The following OR1J2 variants were observed in gnomAD, a reference collection of about 807,000 sequenced individuals.
The protein encoded by OR1J2 is olfactory receptor 1J2.
For missense variants in OR1J2, 304 were observed against 246.1 expected, an observed-to-expected ratio of 1.24 and a Z score of -1.57; for synonymous variants, 142 against 99.7, an observed-to-expected ratio of 1.42 and a Z score of -2.52.
chr9:122,580,193 A>G, the OR1J2 span, among the ~76,000 whole-genome samples: 6 of 152,222 alleles, frequency 3.9e-5, no homozygotes, highest in Non-Finnish European at 5.9e-5. Context: ...TTCCAAGAAT[A>G]TTTCTGACAG....
At chr9:122,509,544 T>G (rs1358796307), upstream of OR1J2, among the ~76,000 whole-genome samples, 1 of 152,238 alleles carries the variant, frequency 6.6e-6, no homozygotes, top group Non-Finnish European at 1.5e-5. Flanking sequence ...GCCAGTCTGA[T>G]CTTTACTTTC....
At chr9:122,463,918 C>T in the OR1J2 span, among the ~76,000 whole-genome samples, 1 of 152,100 alleles carries the variant, frequency 6.6e-6, no homozygotes, top group Non-Finnish European at 1.5e-5. Context: ...CAGGAGGTGG[C>T]GCTTTCAAGA....
At chr9:122,476,232 G>A in the OR1J2 span, among the ~76,000 whole-genome samples, 1 of 152,194 alleles carries the variant, frequency 6.6e-6, no homozygotes, top group Non-Finnish European at 1.5e-5. Flanking sequence ...AGTGAGAAAT[G>A]TCATATGTTT....
At chr9:122,552,039 A>ACTCTCTCTCTCT in the OR1J2 span, among the ~76,000 whole-genome samples, 60 of 89,392 alleles carry the variant, frequency 6.7e-4, no homozygotes, top group Non-Finnish European at 1.0e-3. Context: ...GGACACATAC[A>ACTCTCTCTCTCT]CACACACACA....
At chr9:122,522,235 C>A in the OR1J2 span, among the ~76,000 whole-genome samples, 5 of 152,046 alleles carry the variant, frequency 3.3e-5, no homozygotes, top group South Asian at 1.0e-3. Context: ...CACAAGTTAA[C>A]AAATAGTTCT....
the OR1J2 span, chr9:122,477,639 T>A: frequency 1.2e-6 from 2 of 1,614,058 alleles, no homozygotes; most frequent in South Asian, 1.1e-5. Context: ...GTGAAATGCA[T>A]CCCTTGTAAA....
At chr9:122,477,719 C>T in the OR1J2 span, 1 of 1,614,136 alleles carries the variant, frequency 6.2e-7, no homozygotes, top group Non-Finnish European at 8.5e-7. Context: ...AAGGAGATGT[C>T]AGTGAGGGCC....
At chr9:122,526,440 G>A in the OR1J2 span, 13 of 1,530,456 alleles carry the variant, frequency 8.5e-6, no homozygotes, top group Middle Eastern at 1.8e-4. Context: ...ATAGATAAAG[G>A]GGTTCAACAT....
the OR1J2 span, among the ~76,000 whole-genome samples, chr9:122,537,932 T>C: frequency 6.6e-6 from 1 of 152,152 alleles, no homozygotes; most frequent in Non-Finnish European, 1.5e-5. Flanking sequence ...GGCATCTCAT[T>C]TGCATAAGGT....
the OR1J2 span, among the ~76,000 whole-genome samples, chr9:122,560,888 G>A: frequency 6.6e-6 from 1 of 152,038 alleles, no homozygotes; most frequent in Non-Finnish European, 1.5e-5. Context: ...TGCTAGGTTG[G>A]GGAATTCTCC....
At chr9:122,509,755 C>T (rs1284891135), upstream of OR1J2, among the ~76,000 whole-genome samples, 1 of 152,108 alleles carries the variant, frequency 6.6e-6, no homozygotes, top group East Asian at 1.9e-4. Context: ...AAGGTTGTTA[C>T]ACTCTAATCT....
chr9:122,527,339 A>C, the OR1J2 span: 1 of 1,223,844 alleles, frequency 8.2e-7, no homozygotes, highest in Non-Finnish European at 1.2e-6. Flanking sequence ...AGAATGCTAG[A>C]TTTCATCTAC....
the OR1J2 span, among the ~76,000 whole-genome samples, chr9:122,457,830 A>G: frequency 2.0e-5 from 3 of 152,164 alleles, no homozygotes; most frequent in African/African-American, 7.2e-5. Context: ...TTATTAGTCT[A>G]ATGCAACTTC....
At chr9:122,452,072 G>T in the OR1J2 span, among the ~76,000 whole-genome samples, 1 of 152,104 alleles carries the variant, frequency 6.6e-6, no homozygotes, top group South Asian at 2.1e-4. Flanking sequence ...TAGAGACAGG[G>T]TTTCACCGTG....
chr9:122,481,752 T>C, the OR1J2 span, among the ~76,000 whole-genome samples: 2 of 152,120 alleles, frequency 1.3e-5, no homozygotes, highest in Admixed American at 6.6e-5. Context: ...TATAAGATGG[T>C]TAAATTGGGA....
the OR1J2 span, among the ~76,000 whole-genome samples, chr9:122,529,858 C>T: frequency 6.6e-6 from 1 of 152,170 alleles, no homozygotes; most frequent in Non-Finnish European, 1.5e-5. Flanking sequence ...AGGACATGCC[C>T]ACCTGCGACT....
the OR1J2 span, among the ~76,000 whole-genome samples, chr9:122,580,014 C>T: frequency 6.6e-6 from 1 of 152,184 alleles, no homozygotes; most frequent in Non-Finnish European, 1.5e-5. Context: ...ATCGGTGCAA[C>T]TGCAGCCCAA....
the OR1J2 span, among the ~76,000 whole-genome samples, chr9:122,497,283 C>T: frequency 6.6e-6 from 1 of 152,172 alleles, no homozygotes; most frequent in African/African-American, 2.4e-5. Context: ...TGAGTCCCCA[C>T]GTGCTTCTCT....
At chr9:122,559,383 A>G in the OR1J2 span, among the ~76,000 whole-genome samples, 2 of 151,974 alleles carry the variant, frequency 1.3e-5, no homozygotes, top group African/African-American at 4.8e-5. Context: ...TATGTGTGCC[A>G]TAGTGGTTTG....
Sources: allele counts gnomAD v4.1 joint callset (sites outside exome capture counted in the v4.1 genomes callset), GRCh38; gene constraint gnomAD v4.1.1; transcripts MANE v1.5; gene names NCBI Gene and HGNC (gene_info 2026-07-23, HGNC 2026-07-21).